DMD: variants seen among roughly 807,000 people sequenced by gnomAD.
DMD encodes mutant dystrophin.
In DMD, 63 loss-of-function variants were observed where a neutral mutation model predicts 330.1. That is an observed-to-expected ratio of 0.19 (90% CI 0.16 to 0.24). The LOEUF is 0.24. DMD is among the 10% of genes least tolerant of loss of function. The pLI is 1.00. For synonymous variants in DMD, 1,223 were observed against 959.8 expected (o/e 1.27, Z -5.07); for missense variants, 3,344 against 2,684.1 (o/e 1.25, Z -5.43).
intron 2 of DMD, among the ~76,000 whole-genome samples, chrX:32,987,626 T>G (rs1356126271): frequency 9.0e-6 from 1 of 110,916 alleles, no homozygotes; most frequent in Non-Finnish European, 1.9e-5. Context: ...AAGGAGAAAA[T>G]TCTTTCTTTT....
intron 60 of DMD, among the ~76,000 whole-genome samples, chrX:31,357,919 A>G (rs1569532116): frequency 8.9e-6 from 1 of 112,188 alleles, no homozygotes; most frequent in Non-Finnish European, 1.9e-5. Flanking sequence ...GCATATCATA[A>G]GCCACAAGTT....
intron 2 of DMD, among the ~76,000 whole-genome samples, chrX:32,865,703 C>T (rs904807846): frequency 8.9e-6 from 1 of 112,548 alleles, no homozygotes; most frequent in Non-Finnish European, 1.9e-5. Context: ...CCATGTTTTG[C>T]ATTTTTTAAT....
intron 2 of DMD, among the ~76,000 whole-genome samples, chrX:33,010,178 A>G (rs1026935828): frequency 1.2e-5 from 1 of 80,765 alleles, no homozygotes; most frequent in Admixed American, 1.3e-4. Context: ...ATATATGCAT[A>G]TATTTGTGTA....
At chrX:32,225,110 C>T (rs889632352) in intron 43 of DMD, among the ~76,000 whole-genome samples, 2 of 111,875 alleles carry the variant, frequency 1.8e-5, no homozygotes, top group Admixed American at 9.5e-5. Context: ...ATGGACACTG[C>T]CTTATGAAAC....
At chrX:32,920,137 G>T (rs747034033) in intron 2 of DMD, among the ~76,000 whole-genome samples, 1 of 110,309 alleles carries the variant, frequency 9.1e-6, no homozygotes, top group Non-Finnish European at 1.9e-5. Context: ...TAGTCAATAC[G>T]CCCAGGTGTC....
intron 16 of DMD, among the ~76,000 whole-genome samples, chrX:32,553,789 G>A (rs1038927463): frequency 5.4e-5 from 6 of 111,921 alleles, no homozygotes; most frequent in African/African-American, 2.0e-4. Context: ...CTTCAGTGTT[G>A]GAGGAAGGGC....
At chrX:32,302,037 A>G (rs1569556539) in intron 42 of DMD, among the ~76,000 whole-genome samples, 1 of 111,367 alleles carries the variant, frequency 9.0e-6, no homozygotes, top group Non-Finnish European at 1.9e-5. Flanking sequence ...AATAAATAGA[A>G]GAATAAAAAA....
chrX:32,130,092 G>C (rs2096683893), intron 44 of DMD, among the ~76,000 whole-genome samples: 1 of 109,041 alleles, frequency 9.2e-6, no homozygotes, highest in African/African-American at 3.3e-5. Flanking sequence ...ATATAGGTCA[G>C]GGACGTCTTT....
intron 1 of DMD, among the ~76,000 whole-genome samples, chrX:33,288,250 G>A (rs1480844746): frequency 1.8e-5 from 2 of 111,361 alleles, no homozygotes; most frequent in Non-Finnish European, 3.8e-5. Context: ...TCTCACATTG[G>A]GCCTTTAGTG....
At chrX:31,434,642 G>T (rs773133525) in intron 60 of DMD, among the ~76,000 whole-genome samples, 1 of 111,496 alleles carries the variant, frequency 9.0e-6, no homozygotes, top group South Asian at 3.8e-4. Context: ...ATCTCAAACA[G>T]AGTTTGGTAA....
intron 2 of DMD, among the ~76,000 whole-genome samples, chrX:33,018,649 A>C (rs1290363336): frequency 1.8e-5 from 2 of 111,910 alleles, no homozygotes; most frequent in Non-Finnish European, 3.8e-5. Flanking sequence ...TGTTACATTT[A>C]CTATTTCAGA....
chrX:32,845,590 A>G, intron 3 of DMD, among the ~76,000 whole-genome samples: 1 of 110,911 alleles, frequency 9.0e-6, no homozygotes, highest in East Asian at 2.9e-4. Flanking sequence ...CTCACTCACC[A>G]TTTTTTTCAT....
chrX:33,251,730 C>T (rs904089475), intron 1 of DMD, among the ~76,000 whole-genome samples: 21 of 111,886 alleles, frequency 1.9e-4, no homozygotes, highest in African/African-American at 6.5e-4. Context: ...AGGGATTCTT[C>T]TCCCCAGAGA....
chrX:32,921,686 T>G (rs757779728), intron 2 of DMD, among the ~76,000 whole-genome samples: 42 of 111,820 alleles, frequency 3.8e-4, no homozygotes, highest in Non-Finnish European at 6.4e-4. Flanking sequence ...TCTTTATGCG[T>G]TCTTTTTTGT....
At chrX:31,326,281 A>T in intron 61 of DMD, among the ~76,000 whole-genome samples, 1 of 111,576 alleles carries the variant, frequency 9.0e-6, no homozygotes, top group Non-Finnish European at 1.9e-5. Flanking sequence ...CAGAGAAGTT[A>T]TCAGAATATG....
chrX:33,046,265 G>A (rs779831863), intron 1 of DMD, among the ~76,000 whole-genome samples: 1 of 87,282 alleles, frequency 1.1e-5, no homozygotes, highest in African/African-American at 4.3e-5. Flanking sequence ...ATTAAAAGAG[G>A]AACCAAAATA....
intron 2 of DMD, among the ~76,000 whole-genome samples, chrX:32,876,614 CAT>C (rs2083399865): frequency 8.9e-6 from 1 of 112,070 alleles, no homozygotes; most frequent in Admixed American, 9.5e-5. Flanking sequence ...CCCTTAATGA[CAT>C]ATTGTCATTA....
At chrX:33,154,096 T>C (rs2048392739) in intron 1 of DMD, among the ~76,000 whole-genome samples, 1 of 111,677 alleles carries the variant, frequency 9.0e-6, no homozygotes, top group Admixed American at 9.6e-5. Flanking sequence ...GAAGAAAAAA[T>C]AATACTTAAA....
intron 7 of DMD, among the ~76,000 whole-genome samples, chrX:32,786,539 ACAT>A (rs2075373789): frequency 1.8e-5 from 2 of 111,806 alleles, no homozygotes; most frequent in African/African-American, 3.2e-5. Flanking sequence ...TCTCAAGGAA[ACAT>A]CATAGTAAAA....
Sources: allele counts gnomAD v4.1 joint callset (sites outside exome capture counted in the v4.1 genomes callset), GRCh38; gene constraint gnomAD v4.1.1; transcripts MANE v1.5; gene names NCBI Gene and HGNC (gene_info 2026-07-23, HGNC 2026-07-21).